Variants in NR3C2 observed in about 807,000 individuals in gnomAD.
NR3C2 encodes mineralocorticoid receptor.
NR3C2 carries 15 observed loss-of-function variants against 86.4 expected under a neutral mutation model. The observed-to-expected ratio is 0.17, with a 90% CI of 0.12 to 0.27. The LOEUF (loss-of-function observed/expected upper bound fraction) is 0.27. Among genes scored for constraint, NR3C2 ranks in the 10% least tolerant of loss-of-function variants. The pLI is 1.00. For synonymous variants in NR3C2, 458 were observed against 450.5 expected, an observed-to-expected ratio of 1.02 and a Z score of -0.21; for missense variants, 960 against 1,195.6, an observed-to-expected ratio of 0.80 and a Z score of 2.91.
At chr4:148,149,167 A>AGTCTGGGTTGG (rs1733998163) in intron 6 of NR3C2, among the ~76,000 whole-genome samples, 2 of 152,222 alleles carry the variant, frequency 1.3e-5, no homozygotes, top group Admixed American at 1.3e-4. Flanking sequence ...ACCCTACAGA[A>AGTCTGGGTTGG]GTCTGGGTTG....
At chr4:148,331,922 T>A (rs529622227) in intron 2 of NR3C2, among the ~76,000 whole-genome samples, 1 of 152,326 alleles carries the variant, frequency 6.6e-6, no homozygotes, top group East Asian at 1.9e-4. Flanking sequence ...AGTAAGAGTA[T>A]CTGCTTTATA....
At chr4:148,114,877 G>A (rs908950663) in intron 7 of NR3C2, among the ~76,000 whole-genome samples, 1 of 152,296 alleles carries the variant, frequency 6.6e-6, no homozygotes, top group African/African-American at 2.4e-5. Context: ...GGAGGACGCT[G>A]CATACAAAGA....
intron 2 of NR3C2, among the ~76,000 whole-genome samples, chr4:148,365,836 T>C (rs968418633): frequency 2.0e-5 from 3 of 152,176 alleles, no homozygotes; most frequent in Non-Finnish European, 4.4e-5. Flanking sequence ...CAAGTATAAC[T>C]TTTTCCCATC....
Position 148,315,247 on chromosome 4 carries a change from C to T in NR3C2, c.1758-55130G>A, listed in dbSNP as rs72655294. ...CTCAGCTCTTAGTTATGTAGACATT[C>T]ATTCCATGGCAAACCACAGCCACTC... On this transcript the variant is annotated intron_variant, in intron 2 of 8. Transcript: ENST00000358102. 7.4e-4 allele frequency among the ~76,000 whole-genome samples: 112 copies of T among 152,242 alleles called. 1 individual carries two copies. The highest frequency in any genetic ancestry group is 2.7e-3 in the African/African-American group (111 of 41,548).
At position 148,416,186 on chromosome 4, in the gene NR3C2, T is replaced by A. The variant is rs1185140834; in HGVS notation, c.1757+18918A>T. ...TTCACTGGGAAAAAAGTTATTTAAA[T>A]TTTTGTAAATTATGCTAAATTAACA... On this transcript the variant is annotated intron_variant, in intron 2 of 8. Transcript: ENST00000358102. Among the ~76,000 whole-genome samples the A allele has an allele frequency of 2.0e-5, 3 of 152,242 alleles. No homozygotes were observed. In the South Asian group the frequency reaches 6.2e-4, roughly 31 times the overall value.
At chr4:148,422,056 G>A (rs1216279745) in intron 2 of NR3C2, among the ~76,000 whole-genome samples, 1 of 152,040 alleles carries the variant, frequency 6.6e-6, no homozygotes, top group Non-Finnish European at 1.5e-5. Flanking sequence ...ATGAAAGGTT[G>A]CTATGCTTAT....
At chr4:148,222,170 T>C (rs934620115) in intron 3 of NR3C2, among the ~76,000 whole-genome samples, 4 of 152,188 alleles carry the variant, frequency 2.6e-5, no homozygotes, top group African/African-American at 9.7e-5. Flanking sequence ...AACACCAACA[T>C]TGTATTGCCT....
chr4:148,263,468 G>C (rs1021353613), intron 2 of NR3C2, among the ~76,000 whole-genome samples: 4 of 152,072 alleles, frequency 2.6e-5, no homozygotes, highest in Non-Finnish European at 5.9e-5. Flanking sequence ...ACTTCCCAAG[G>C]GTTCTTCCAT....
chr4:148,401,047 A>G (rs749716681), intron 2 of NR3C2, among the ~76,000 whole-genome samples: 4 of 152,216 alleles, frequency 2.6e-5, no homozygotes, highest in Non-Finnish European at 5.9e-5. Context: ...AGTATTCACT[A>G]TGTTCCAGGT....
chr4:148,362,447 T>C (rs904015362), intron 2 of NR3C2, among the ~76,000 whole-genome samples: 1 of 152,210 alleles, frequency 6.6e-6, no homozygotes, highest in African/African-American at 2.4e-5. Flanking sequence ...TATTTGTCAA[T>C]TTAAAAACTT....
intron 4 of NR3C2, among the ~76,000 whole-genome samples, chr4:148,158,659 T>A (rs1168510935): frequency 4.6e-5 from 7 of 152,222 alleles, no homozygotes; most frequent in Non-Finnish European, 8.8e-5. Flanking sequence ...TTATTAAAAG[T>A]GACTTTTTTT....
At chr4:148,246,367 T>C (rs908337219) in intron 3 of NR3C2, among the ~76,000 whole-genome samples, 2 of 152,206 alleles carry the variant, frequency 1.3e-5, no homozygotes, top group Admixed American at 6.5e-5. Context: ...ATTTTTCAAC[T>C]TAAACAAATT....
At chr4:148,369,868 G>C (rs527623839) in intron 2 of NR3C2, among the ~76,000 whole-genome samples, 19 of 152,228 alleles carry the variant, frequency 1.2e-4, no homozygotes, top group Non-Finnish European at 2.5e-4. Flanking sequence ...AGCTCAAGGG[G>C]AGCCATGCTG....
At chr4:148,122,179 T>A (rs1429317984) in intron 6 of NR3C2, among the ~76,000 whole-genome samples, 4 of 152,232 alleles carry the variant, frequency 2.6e-5, no homozygotes, top group Non-Finnish European at 5.9e-5. Flanking sequence ...TTCAAATGTT[T>A]ACTCATCATT....
chr4:148,425,972 T>C lies in NR3C2; in HGVS notation c.1757+9132A>G, dbSNP rs1749509440. On this transcript the variant is annotated intron_variant, in intron 2 of 8. Transcript: ENST00000358102. ...CTGAGGCTGACTGCAGTCTCATTTC[T>C]ATTCTCACCTTCCCAGGACACTGCC... Among the ~76,000 whole-genome samples the C allele has an allele frequency of 2.6e-5, 4 of 152,138 alleles. No homozygotes were observed. The South Asian group carries it at 8.3e-4, about 31-fold the overall frequency.
At chr4:148,098,367 A>T (rs1267738412) in intron 8 of NR3C2, among the ~76,000 whole-genome samples, 1 of 152,172 alleles carries the variant, frequency 6.6e-6, no homozygotes, top group African/African-American at 2.4e-5. Context: ...TATTTTCTCC[A>T]TAAGCCACGT....
intron 4 of NR3C2, among the ~76,000 whole-genome samples, chr4:148,158,901 T>C (rs1303933711): frequency 6.6e-6 from 1 of 152,228 alleles, no homozygotes; most frequent in Non-Finnish European, 1.5e-5. Context: ...TTTGTGAATA[T>C]ATGTAGGACA....
In NR3C2 at chr4:148,436,218, A is replaced by T. The variant is rs72645687; in HGVS notation, c.643T>A (p.Ser215Thr). 112 of 1,614,034 alleles carry T rather than the reference A, an allele frequency of 6.9e-5. No individual in the cohort carries two copies. The highest frequency in any genetic ancestry group is 9.1e-5 in the Non-Finnish European group (107 of 1,180,020). ...AAACTGCCAAAGCTGGCTGTGGTGG[A>T]GGACACAGAGTTGATTCCAGCAGGG... ...CSPAGINSVS[S>T]TTASFGSFPV... The change falls in exon 2 of 9, where the codon TCC becomes ACC. Residue 215 changes from serine to threonine, a missense_variant. By Grantham distance (58) the Ser-to-Thr change is moderately conservative (BLOSUM62 1). This residue lies in a region of NR3C2 where 680 missense variants were observed against 719.0 expected (regional missense o/e 0.95). Transcript: ENST00000358102.
intron 2 of NR3C2, among the ~76,000 whole-genome samples, chr4:148,400,373 A>G (rs538160489): frequency 2.0e-5 from 3 of 151,822 alleles, no homozygotes; most frequent in African/African-American, 7.3e-5. Context: ...AACCTAACAA[A>G]GTCAGAAAGC....
Sources: allele counts gnomAD v4.1 joint callset (sites outside exome capture counted in the v4.1 genomes callset), GRCh38; gene constraint gnomAD v4.1.1; regional missense constraint gnomAD v4.1.1; transcripts MANE v1.5; gene names NCBI Gene and HGNC (gene_info 2026-07-23, HGNC 2026-07-21).